Variants in PPM1L observed in about 807,000 individuals in gnomAD.
PPM1L encodes the protein protein phosphatase, Mg2+/Mn2+ dependent 1L.
PPM1L carries 13 observed loss-of-function variants against 31.4 expected under a neutral mutation model. The ratio of observed to expected loss-of-function variants is 0.41; its 90% CI spans 0.27 to 0.66. The LOEUF (loss-of-function observed/expected upper bound fraction) is 0.66. Ranked by LOEUF, PPM1L falls within the 30% of genes least tolerant of loss-of-function variation. PPM1L has a pLI of 0.29. For missense variants in PPM1L, 326 were observed against 453.7 expected (o/e 0.72, Z 2.56); for synonymous variants, 184 against 175.4 (o/e 1.05, Z -0.39).
rs1559897621 is a variant in PPM1L, at chr3:160,945,039, C to CT, written c.400-16697_400-16696insT. ...ATATATTATATATAACTATATATAA[C>CT]ATATATATTATATATAACTATATAT... On this transcript the variant is annotated intron_variant, in intron 1 of 3. Transcript: ENST00000498165. Among the ~76,000 whole-genome samples, 10 of 16,156 alleles carry CT rather than the reference C, an allele frequency of 6.2e-4. 2 individuals carry two copies. The highest frequency in any genetic ancestry group is 1.5e-3 in the African/African-American group (8 of 5,362). The allele number at this position is 16,156 out of a possible 152,430, so 10.6% of individuals were successfully genotyped here. A position where few individuals can be genotyped will look rare whatever the true frequency, so the allele number is the denominator to read the frequency against.
At chr3:161,053,827 C>G (rs914823679) in intron 2 of PPM1L, among the ~76,000 whole-genome samples, 2 of 152,212 alleles carry the variant, frequency 1.3e-5, no homozygotes, top group African/African-American at 4.8e-5. Context: ...AACTATATAG[C>G]ACTAGGGTTT....
In PPM1L at chr3:160,807,943, GAT is replaced by G. The variant is rs529411206; in HGVS notation, c.399+51237_399+51238del. Among the ~76,000 whole-genome samples, 884 of 152,190 alleles carry G rather than the reference GAT, an allele frequency of 5.8e-3. 12 individuals carry two copies. The highest frequency in any genetic ancestry group is 0.02 in the African/African-American group (823 of 41,510). On this transcript the variant is annotated intron_variant, in intron 1 of 3. Transcript: ENST00000498165. ...TTTTTTTTGTTTATAAAGACTATGA[GAT>G]GATAATATCAATCATGTGATCTGTT...
intron 2 of PPM1L, among the ~76,000 whole-genome samples, chr3:160,983,524 C>G (rs1451645277): frequency 6.6e-6 from 1 of 152,204 alleles, no homozygotes; most frequent in Non-Finnish European, 1.5e-5. Flanking sequence ...TACTTCTAAT[C>G]TGTAAATCCC....
chr3:160,756,879 G>A lies in PPM1L; in HGVS notation c.399+172G>A, dbSNP rs1714824001. On this transcript the variant is annotated intron_variant, in intron 1 of 3. Transcript: ENST00000498165. The surrounding 1 kb of genome is among the most constrained non-coding windows in gnomAD (Gnocchi z 6.2). ...CACCACGGTGCCTGGCTGGACAAAT[G>A]CGGCTCAAGTTGCCAAAAGCACTGC... is the stretch of plus-strand genomic sequence containing the variant. Among the ~76,000 whole-genome samples, 2 of 151,914 alleles carry A rather than the reference G, an allele frequency of 1.3e-5. No homozygotes were observed. Among genetic ancestry groups the A allele is most frequent in the African/African-American group, 4.8e-5 (2 of 41,362 alleles).
chr3:161,027,204 T>C (rs762328269), intron 2 of PPM1L, among the ~76,000 whole-genome samples: 3 of 152,218 alleles, frequency 2.0e-5, no homozygotes, highest in Non-Finnish European at 4.4e-5. Context: ...GATCATGCTT[T>C]AGAAAGATGG....
At chr3:160,923,792 T>C (rs1489485401) in intron 1 of PPM1L, among the ~76,000 whole-genome samples, 2 of 152,214 alleles carry the variant, frequency 1.3e-5, no homozygotes. Context: ...AATAGTGTTT[T>C]CAGTAGAGCA....
intron 2 of PPM1L, among the ~76,000 whole-genome samples, chr3:160,986,256 GCTTGTCA>G (rs1716961655): frequency 6.6e-6 from 1 of 152,136 alleles, no homozygotes; most frequent in Admixed American, 6.6e-5. Flanking sequence ...ATGCCCACAT[GCTTGTCA>G]GGAGATGCTG....
At position 161,069,891 on chromosome 3, in the gene PPM1L, T is replaced by C. The variant is rs2108114110; in HGVS notation, c.*734T>C. ...TAATCATGCATGACCGTTAACCTTT[T>C]GCTTAGTCCTTACCATATGTAATAG... On this transcript the variant is annotated 3_prime_UTR_variant, in exon 4 of 4. Coordinates refer to ENST00000498165, the MANE Select transcript of PPM1L (RefSeq NM_139245.4). 6.6e-6 allele frequency: 1 copy of C among 152,372 alleles called. No homozygotes were observed. Among genetic ancestry groups the C allele is most frequent in the African/African-American group, 2.4e-5 (1 of 41,592 alleles). The allele number at this position is 152,372 out of a possible 1,614,324, so 9.4% of individuals were successfully genotyped here.
intron 1 of PPM1L, among the ~76,000 whole-genome samples, chr3:160,836,598 T>G (rs1021318878): frequency 1.3e-5 from 2 of 152,250 alleles, no homozygotes; most frequent in Non-Finnish European, 2.9e-5. Flanking sequence ...GATTTACTCA[T>G]GGCGGAGCCA....
At chr3:160,798,827 G>A (rs1354737042) in intron 1 of PPM1L, among the ~76,000 whole-genome samples, 1 of 152,166 alleles carries the variant, frequency 6.6e-6, no homozygotes, top group Non-Finnish European at 1.5e-5. Context: ...TCCTCTGATG[G>A]ATCTGGGCAA....
At chr3:161,034,651 A>T (rs1718686784) in intron 2 of PPM1L, among the ~76,000 whole-genome samples, 1 of 150,732 alleles carries the variant, frequency 6.6e-6, no homozygotes, top group Non-Finnish European at 1.5e-5. Context: ...ATGAGAACAC[A>T]TGGACACACA....
At chr3:160,818,613 T>A (rs938479060) in intron 1 of PPM1L, among the ~76,000 whole-genome samples, 3 of 152,064 alleles carry the variant, frequency 2.0e-5, no homozygotes, top group African/African-American at 7.2e-5. Context: ...TGATTCCACT[T>A]GATAGAGTCA....
intron 2 of PPM1L, among the ~76,000 whole-genome samples, chr3:160,973,150 A>G (rs1716410476): frequency 1.3e-5 from 2 of 152,260 alleles, no homozygotes; most frequent in Admixed American, 1.3e-4. Context: ...TGAGAAAACC[A>G]GAAACCACAA....
intron 2 of PPM1L, among the ~76,000 whole-genome samples, chr3:161,054,318 A>C (rs1719355848): frequency 1.3e-5 from 2 of 152,058 alleles, no homozygotes. Flanking sequence ...CATGAAATAG[A>C]AACCCCCTAA....
At chr3:160,982,622 G>T (rs1314639069) in intron 2 of PPM1L, among the ~76,000 whole-genome samples, 1 of 152,166 alleles carries the variant, frequency 6.6e-6, no homozygotes, top group African/African-American at 2.4e-5. Flanking sequence ...CTCAGTACAA[G>T]TTTCCTATCC....
At chr3:160,905,818 A>G (rs933645679) in intron 1 of PPM1L, among the ~76,000 whole-genome samples, 6 of 152,106 alleles carry the variant, frequency 3.9e-5, no homozygotes, top group South Asian at 2.1e-4. Context: ...TTGATTTTTG[A>G]TGGGAAAAGT....
intron 1 of PPM1L, among the ~76,000 whole-genome samples, chr3:160,940,009 G>A (rs555772427): frequency 1.3e-5 from 2 of 152,266 alleles, no homozygotes; most frequent in South Asian, 4.1e-4. Context: ...AAGATGAGGT[G>A]GTCTCAGATG....
intron 2 of PPM1L, among the ~76,000 whole-genome samples, chr3:161,032,104 T>A (rs781480762): frequency 1.4e-4 from 21 of 152,202 alleles, no homozygotes; most frequent in Admixed American, 3.9e-4. Context: ...TACTCCTTTG[T>A]AATAGTAGCA....
At chr3:160,844,871 C>G (rs1052380157) in intron 1 of PPM1L, among the ~76,000 whole-genome samples, 4 of 152,140 alleles carry the variant, frequency 2.6e-5, no homozygotes, top group African/African-American at 9.6e-5. Context: ...CAAGCAGAAG[C>G]TTTGTACCCA....
Sources: gnomAD v4.1 joint callset for allele counts (sites outside exome capture counted in the v4.1 genomes callset) on GRCh38, gnomAD v4.1.1 for gene constraint, Gnocchi (gnomAD v3.1) non-coding constraint, MANE v1.5 for transcripts, NCBI Gene and HGNC (gene_info 2026-07-23, HGNC 2026-07-21) for gene names.